AKT1: variants seen among roughly 807,000 people sequenced by gnomAD.
The protein encoded by AKT1 is AKT serine/threonine kinase 1.
Under a neutral mutation model 63.1 loss-of-function variants are expected in AKT1, and 21 were observed. The ratio of observed to expected loss-of-function variants is 0.33; its 90% confidence interval spans 0.24 to 0.48. The LOEUF (loss-of-function observed/expected upper bound fraction) is 0.48. Among genes scored for constraint, AKT1 ranks in the 20% least tolerant of loss-of-function variants. The pLI, the probability that AKT1 is intolerant of heterozygous loss-of-function variation, is 0.99. For missense variants in AKT1, 382 were observed against 666.0 expected (o/e 0.57, Z 4.69); for synonymous variants, 257 against 253.1 (o/e 1.02, Z -0.15).
chr14:104,785,713 C>T (rs375820967), intron 3 of AKT1, among the ~76,000 whole-genome samples: 6 of 152,174 alleles, frequency 3.9e-5, no homozygotes, highest in Non-Finnish European at 5.9e-5. Flanking sequence ...TAACTTGACA[C>T]AAACTGCAAA....
chr14:104,794,411 C>G (rs1893784477), intron 1 of AKT1: 2 of 152,286 alleles, frequency 1.3e-5, no homozygotes. Flanking sequence ...GGGTGGTGTA[C>G]GTCTGCACAG....
intron 2 of AKT1, 189 bp downstream of exon 2, chr14:104,792,938 G>A (rs1893703347): frequency 1.7e-6 from 1 of 571,460 alleles, no homozygotes; most frequent in Middle Eastern, 4.7e-4. Flanking sequence ...TCAAATCCAT[G>A]TAATTGAACA....
At chr14:104,776,133 G>A (rs1258600182) in intron 5 of AKT1, 1 of 272,110 alleles carries the variant, frequency 3.7e-6, no homozygotes, top group Admixed American at 5.0e-5. Flanking sequence ...CCCCAAGGAG[G>A]ACTGGCCCTC....
intron 3 of AKT1, among the ~76,000 whole-genome samples, chr14:104,784,375 G>A (rs1440316371): frequency 1.3e-5 from 2 of 152,110 alleles, no homozygotes; most frequent in Non-Finnish European, 2.9e-5. Context: ...TGGGGGGTAG[G>A]CAGTTGGCCA....
chr14:104,780,292 G>A lies in AKT1; in HGVS notation c.47-76C>T, dbSNP rs3730368. ...TCGCCAGGCAGCCAGGCAGGAACTG[G>A]GTGTGCCAGGACAGATGTGCCTGGG... On this transcript the variant is annotated intron_variant, in intron 3 of 14. Coordinates refer to ENST00000649815, the MANE Select transcript of AKT1 (RefSeq NM_001382430.1). 10,916 of 1,570,916 alleles carry A rather than the reference G, an allele frequency of 6.9e-3. 682 individuals carry two copies. The African/African-American group carries it at 0.13, about 19-fold the overall frequency.
chr14:104,769,454 C>A lies in AKT1; in HGVS notation c.*887G>T. 1 of 435,568 alleles carries A rather than the reference C, an allele frequency of 2.3e-6. No individual in the cohort carries two copies. The highest frequency in any genetic ancestry group is 4.3e-6 in the Non-Finnish European group (1 of 230,258). The allele number at this position is 435,568 out of a possible 1,614,324, so 27.0% of individuals were successfully genotyped here. Reference sequence around the variant, plus strand: ...GTTGTAAAAAAACGCCGTGGTGCAGCGGCAGCGGCAGCGTCTGGCCAGGAG... The same window carrying A: ...GTTGTAAAAAAACGCCGTGGTGCAGAGGCAGCGGCAGCGTCTGGCCAGGAG... On this transcript the variant is annotated 3_prime_UTR_variant, in exon 15 of 15. Transcript: ENST00000649815.
rs780860941 is a variant in AKT1, at chr14:104,770,803, G to A, written c.1305C>T (p.Thr435=). 4 of 1,614,136 alleles carry A rather than the reference G, an allele frequency of 2.5e-6. No homozygotes were observed. The highest frequency in any genetic ancestry group is 3.4e-6 in the Non-Finnish European group (4 of 1,180,020). The change falls in exon 14 of 15, where the codon ACC becomes ACT. Residue 435 remains threonine, a synonymous_variant. Coordinates refer to ENST00000649815, the MANE Select transcript of AKT1 (RefSeq NM_001382430.1). ...CCGTGAACTCCTCATCAAAATACCTGGTGTCAGTCTCCGACGTGACCTGGG... is the reference window on the plus strand; with the variant it reads ...CCGTGAACTCCTCATCAAAATACCTAGTGTCAGTCTCCGACGTGACCTGGG... ...FKPQVTSETD[T]RYFDEEFTAQ...
rs1566828175 is a variant in AKT1 at position 104,795,444 on chromosome 14, G to C, written c.-258+40C>G. The C allele has an allele frequency of 6.8e-6, 1 of 147,028 alleles. No individual in the cohort carries two copies. Among genetic ancestry groups the C allele is most frequent in the East Asian group, 2.0e-4 (1 of 5,070 alleles). 9.1% of individuals were successfully genotyped at this position (147,028 alleles called of 1,614,324 possible). ...ACAAAGCGGCCCGGCCCGCGGGGAGGAAATCCAGGCCCGGGCGGCCACGGC... is the reference window on the plus strand; with the variant it reads ...ACAAAGCGGCCCGGCCCGCGGGGAGCAAATCCAGGCCCGGGCGGCCACGGC... On this transcript the variant is annotated intron_variant, in intron 1 of 14. Coordinates refer to ENST00000649815, the MANE Select transcript of AKT1 (RefSeq NM_001382430.1). The surrounding 1 kb of genome is among the most constrained non-coding windows in gnomAD (Gnocchi z 5.1).
intron 13 of AKT1, chr14:104,771,695 C>G: frequency 4.3e-6 from 1 of 235,092 alleles, no homozygotes. Flanking sequence ...AGGGGAGGGG[C>G]AGGCTGGGAA....
Position 104,775,148 on chromosome 14 carries a change from G to A in AKT1, c.495C>T (p.Ile165=), listed in dbSNP as rs1161567933. ...GGCCTGTGGCCTTCTCCTTCACCAG[G>A]ATCACCTTGCCGAAAGTGCCCTTGC... is the stretch of plus-strand genomic sequence containing the variant. The part of the protein sequence containing the change: ...LLGKGTFGKV[I]LVKEKATGRY... Residue 165 remains isoleucine, a synonymous_variant, in exon 7 of 15, where the codon ATC becomes ATT. Coordinates refer to ENST00000649815, the MANE Select transcript of AKT1 (RefSeq NM_001382430.1). 5.6e-6 allele frequency: 9 copies of A among 1,613,960 alleles called. No individual in the cohort carries two copies. The Admixed American group carries it at 1.3e-4, about 24-fold the overall frequency.
At chr14:104,774,691 G>A (rs1441439696) in intron 8 of AKT1, 6 of 562,138 alleles carry the variant, frequency 1.1e-5, no homozygotes, top group Non-Finnish European at 6.3e-6. Context: ...TCGGCAGAGT[G>A]CAAGGAAGAC....
At chr14:104,777,220 C>CCACCTGGAGCACACCCA (rs1485858021) in intron 4 of AKT1, 3 of 168,364 alleles carry the variant, frequency 1.8e-5, no homozygotes, top group South Asian at 7.5e-5. Context: ...GGAAATACAG[C>CCACCTGGAGCACACCCA]CACCTGGAGC....
Position 104,769,970 on chromosome 14 carries a change from C to A in AKT1, c.*371G>T. ...GACAGATAGCTGGTGACAGACAGCC[C>A]AGGGCGGCTGGCTGACAGAGTGAGG... On this transcript the variant is annotated 3_prime_UTR_variant, in exon 15 of 15. Transcript: ENST00000649815. The A allele has an allele frequency of 2.3e-6, 1 of 430,746 alleles. No homozygotes were observed. The highest frequency in any genetic ancestry group is 2.2e-5 in the South Asian group (1 of 45,262). The allele number at this position is 430,746 out of a possible 1,614,324, so 26.7% of individuals were successfully genotyped here. A position where few individuals can be genotyped will look rare whatever the true frequency, so the allele number is the denominator to read the frequency against.
At chr14:104,789,744 C>T (rs754907800) in intron 3 of AKT1, among the ~76,000 whole-genome samples, 7 of 152,212 alleles carry the variant, frequency 4.6e-5, no homozygotes, top group Non-Finnish European at 8.8e-5. Flanking sequence ...ATCTGGCCCC[C>T]TGTCCCTATA....
intron 2 of AKT1, 153 bp downstream of exon 2, chr14:104,792,973 CT>C (rs1893705423): frequency 1.2e-5 from 6 of 501,792 alleles, no homozygotes; most frequent in African/African-American, 3.8e-5. Flanking sequence ...TGGGCCTCTC[CT>C]TATTCTAGGC....
Position 104,770,834 on chromosome 14 carries a change from A to G in AKT1, c.1274T>C (p.Phe425Ser). ...HVYEKKLSPP[F>S]KPQVTSETDT... is the part of the protein sequence containing the mutation. ...AGTCTCCGACGTGACCTGGGGCTTGAAGGGTGGGCTGAGCTGCAGAGGTGG... is the reference window on the plus strand; with the variant it reads ...AGTCTCCGACGTGACCTGGGGCTTGGAGGGTGGGCTGAGCTGCAGAGGTGG... Residue 425 changes from phenylalanine to serine, a missense_variant, in exon 14 of 15, where the codon TTC becomes TCC. Coordinates refer to ENST00000649815, the MANE Select transcript of AKT1 (RefSeq NM_001382430.1). The G allele has an allele frequency of 2.5e-6, 4 of 1,614,066 alleles. No individual in the cohort carries two copies. Among genetic ancestry groups the G allele is most frequent in the Non-Finnish European group, 3.4e-6 (4 of 1,179,992 alleles).
chr14:104,775,533 G>T, intron 6 of AKT1, 119 bp downstream of exon 6: 1 of 1,400,868 alleles, frequency 7.1e-7, no homozygotes, highest in Non-Finnish European at 9.6e-7. Flanking sequence ...AACCGGCCTA[G>T]GTGGAGATGC....
chr14:104,774,675 G>A (rs1892606945), intron 8 of AKT1: 2 of 506,310 alleles, frequency 4.0e-6, no homozygotes. Flanking sequence ...GGGGCCTCCT[G>A]GAGCCTCGGC....
Position 104,774,139 on chromosome 14 carries a change from C to T in AKT1, c.634-159G>A, listed in dbSNP as rs187081060. 6.2e-4 allele frequency: 412 copies of T among 667,200 alleles called. 1 individual carries two copies. In the African/African-American group the frequency reaches 6.7e-3, roughly 11 times the overall value. 41.3% of individuals were successfully genotyped at this position (667,200 alleles called of 1,614,324 possible). A position where few individuals can be genotyped will look rare whatever the true frequency, so the allele number is the denominator to read the frequency against. On this transcript the variant is annotated intron_variant, in intron 8 of 14. Transcript: ENST00000649815. ...GACACCACGCTGCCTGATACCACAC[C>T]GCCCGATACCACACTGCCCCACACC... is the stretch of plus-strand genomic sequence containing the variant.
Sources: allele counts gnomAD v4.1 joint callset (sites outside exome capture counted in the v4.1 genomes callset), GRCh38; gene constraint gnomAD v4.1.1; non-coding constraint Gnocchi (gnomAD v3.1); transcripts MANE v1.5; gene names NCBI Gene and HGNC (gene_info 2026-07-23, HGNC 2026-07-21).